The following RANBP3 variants were observed in gnomAD, a reference collection of about 807,000 sequenced individuals.
RANBP3 encodes the protein RAN binding protein 3, also known as ran-binding protein 3.
In RANBP3, 14 loss-of-function variants were observed where a neutral mutation model predicts 77.3. That is an observed-to-expected ratio of 0.18 (90% CI 0.12 to 0.28). RANBP3 has a LOEUF of 0.28. Among genes scored for constraint, RANBP3 ranks in the 10% least tolerant of loss-of-function variants. RANBP3 has a pLI of 1.00. For missense variants in RANBP3, 586 were observed against 752.3 expected, an observed-to-expected ratio of 0.78 and a Z score of 2.59; for synonymous variants, 315 against 312.4, an observed-to-expected ratio of 1.01 and a Z score of -0.09.
In RANBP3 at chr19:5,924,939, C is replaced by A; in HGVS notation, c.918-34G>T. ...AAGATGTGCAATGAGTGTGGGGCGT[C>A]ACGTGGGAACGTGGCCAGGCAAATG... On this transcript the variant is annotated intron_variant, in intron 10 of 16. Coordinates refer to ENST00000340578, the MANE Select transcript of RANBP3 (RefSeq NM_007322.3). This position sits in a 1 kb window ranked among gnomAD's most constrained non-coding sequence, Gnocchi z 4.7. 1.3e-6 allele frequency: 2 copies of A among 1,589,520 alleles called. No individual in the cohort carries two copies. The highest frequency in any genetic ancestry group is 2.2e-5 in the South Asian group (2 of 90,542).
At chr19:5,937,689 G>A (rs746426367) in intron 5 of RANBP3, among the ~76,000 whole-genome samples, 1 of 152,192 alleles carries the variant, frequency 6.6e-6, no homozygotes, top group Non-Finnish European at 1.5e-5. Flanking sequence ...CTGATGTGTG[G>A]CTGATATGAC....
chr19:5,976,060 T>C (rs534072141), intron 1 of RANBP3, among the ~76,000 whole-genome samples: 117 of 152,036 alleles, frequency 7.7e-4, no homozygotes, highest in African/African-American at 2.8e-3. Flanking sequence ...TGGTCCCCCT[T>C]TGGGAATAAT....
intron 1 of RANBP3, among the ~76,000 whole-genome samples, chr19:5,963,884 G>A (rs539702156): frequency 3.9e-5 from 6 of 152,204 alleles, no homozygotes; most frequent in African/African-American, 1.2e-4. Context: ...TCTACCCTGC[G>A]AACCTCCTCA....
At chr19:5,925,966 A>T (rs991407609) in intron 9 of RANBP3, among the ~76,000 whole-genome samples, 1 of 152,204 alleles carries the variant, frequency 6.6e-6, no homozygotes, top group Non-Finnish European at 1.5e-5. Context: ...TGAAGCTCCA[A>T]GGAGCCTTTT....
In RANBP3 at chr19:5,951,694, T is replaced by G. The variant is rs551518496; in HGVS notation, c.79-98A>C. On this transcript the variant is annotated intron_variant, in intron 2 of 16. Transcript: ENST00000340578. Reference sequence around the variant, plus strand: ...GGTCAGAGGCTGGAGCTGGCTCAGCTTGCAGCAGCTCCTGCGCCTGGGAGG... The same window carrying G: ...GGTCAGAGGCTGGAGCTGGCTCAGCGTGCAGCAGCTCCTGCGCCTGGGAGG... 14 of 1,099,568 alleles carry G rather than the reference T, an allele frequency of 1.3e-5. No homozygotes were observed. The African/African-American group carries it at 2.0e-4, about 16-fold the overall frequency. The allele number at this position is 1,099,568 out of a possible 1,614,324, so 68.1% of individuals were successfully genotyped here.
rs148017151 is a variant in RANBP3, at chr19:5,950,104, C to G, written c.282+1289G>C. On this transcript the variant is annotated intron_variant, in intron 3 of 16. Transcript: ENST00000340578. ...CAAAGACCAGAGGTGCAGTAACTCACCATACCTGACTCAGGAGAAGTTTCC... is the reference window on the plus strand; with the variant it reads ...CAAAGACCAGAGGTGCAGTAACTCAGCATACCTGACTCAGGAGAAGTTTCC... 4.4e-3 allele frequency among the ~76,000 whole-genome samples: 668 copies of G among 152,278 alleles called. 3 individuals are homozygous for G. Among genetic ancestry groups the G allele is most frequent in the African/African-American group, 0.015 (641 of 41,542 alleles).
At chr19:5,940,901 G>A (rs1029574246) in intron 5 of RANBP3, among the ~76,000 whole-genome samples, 6 of 152,234 alleles carry the variant, frequency 3.9e-5, no homozygotes, top group Admixed American at 2.0e-4. Context: ...CTTTCTGAGT[G>A]TTATATTAAG....
chr19:5,954,439 T>A lies in RANBP3; in HGVS notation c.79-2843A>T, dbSNP rs1345502509. ...ATGGTGGTAAGGCCATGCAGGAGAA[T>A]GGCCTCATCCCTATGAGACACCCGT... On this transcript the variant is annotated intron_variant, in intron 2 of 16. Coordinates refer to ENST00000340578, the MANE Select transcript of RANBP3 (RefSeq NM_007322.3). Among the ~76,000 whole-genome samples, 4 of 152,228 alleles carry A rather than the reference T, an allele frequency of 2.6e-5. No individual in the cohort carries two copies. In the East Asian group the frequency reaches 5.8e-4, roughly 22 times the overall value.
At chr19:5,942,626 G>C (rs903316674) in intron 3 of RANBP3, among the ~76,000 whole-genome samples, 1 of 149,918 alleles carries the variant, frequency 6.7e-6, no homozygotes, top group East Asian at 2.0e-4. Flanking sequence ...GCTTGAGCCC[G>C]GTAGGCGGAG....
intron 15 of RANBP3, 110 bp downstream of exon 15, chr19:5,918,386 A>AGGGGGGGGGG: frequency 3.2e-6 from 2 of 617,696 alleles, no homozygotes; most frequent in Admixed American, 3.4e-5. Context: ...GAAGCAACTG[A>AGGGGGGGGGG]AGCCCCTCCC....
chr19:5,969,735 T>A (rs2058509154), intron 1 of RANBP3, among the ~76,000 whole-genome samples: 1 of 152,210 alleles, frequency 6.6e-6, no homozygotes, highest in Non-Finnish European at 1.5e-5. Flanking sequence ...TCAGCCCCTG[T>A]GAAATGGTGC....
chr19:5,932,295 G>A (rs547200242), intron 7 of RANBP3, among the ~76,000 whole-genome samples, 157 bp downstream of exon 7: 2 of 152,328 alleles, frequency 1.3e-5, no homozygotes, highest in South Asian at 2.1e-4. Context: ...GGCTGGAGAC[G>A]GCTGGGGGGT....
Position 5,917,696 on chromosome 19 carries a change from T to G in RANBP3, c.1661-43A>C, listed in dbSNP as rs2057758857. The G allele has an allele frequency of 2.5e-6, 4 of 1,596,160 alleles. No individual in the cohort carries two copies. In the South Asian group the frequency reaches 3.4e-5, roughly 13 times the overall value. Reference sequence around the variant, plus strand: ...CCCCGCATCAGGATGGAGCCCGCACTTCCCAGGTCTGGCCACCCCCGCCAG... The same window carrying G: ...CCCCGCATCAGGATGGAGCCCGCACGTCCCAGGTCTGGCCACCCCCGCCAG... On this transcript the variant is annotated intron_variant, in intron 16 of 16. Transcript: ENST00000340578.
chr19:5,950,294 C>A (rs987633533), intron 3 of RANBP3, among the ~76,000 whole-genome samples: 3 of 152,210 alleles, frequency 2.0e-5, no homozygotes, highest in African/African-American at 7.2e-5. Context: ...ACCCCAAACC[C>A]ACTTTTGTGC....
intron 1 of RANBP3, among the ~76,000 whole-genome samples, chr19:5,970,845 G>GCTAA (rs2058521966): frequency 6.6e-6 from 1 of 152,184 alleles, no homozygotes. Context: ...AGATGCAAGA[G>GCTAA]CTAAGGTCAG....
chr19:5,929,061 C>T (rs975889125), intron 8 of RANBP3, among the ~76,000 whole-genome samples: 1 of 152,152 alleles, frequency 6.6e-6, no homozygotes, highest in Non-Finnish European at 1.5e-5. Flanking sequence ...ACTGGCTCAG[C>T]GTGTCCAGCG....
At chr19:5,933,536 G>A in intron 5 of RANBP3, 57 bp from the exon 6 acceptor site, 1 of 1,466,916 alleles carries the variant, frequency 6.8e-7, no homozygotes, top group Non-Finnish European at 9.5e-7. Flanking sequence ...GGCTGGGCCT[G>A]GGGGGCAAGG....
At chr19:5,950,085 C>A (rs888910156) in intron 3 of RANBP3, among the ~76,000 whole-genome samples, 2 of 152,146 alleles carry the variant, frequency 1.3e-5, no homozygotes, top group Admixed American at 1.3e-4. Context: ...CTCTCAAAGA[C>A]CAGAGGTGCA....
intron 1 of RANBP3, among the ~76,000 whole-genome samples, chr19:5,960,595 G>C (rs2058387789): frequency 6.6e-6 from 1 of 152,160 alleles, no homozygotes; most frequent in South Asian, 2.1e-4. Context: ...CTTCATGAAG[G>C]GGGAGGGAAG....
Sources: gnomAD v4.1 joint callset for allele counts (sites outside exome capture counted in the v4.1 genomes callset) on GRCh38, gnomAD v4.1.1 for gene constraint, Gnocchi (gnomAD v3.1) non-coding constraint, MANE v1.5 for transcripts, NCBI Gene and HGNC (gene_info 2026-07-23, HGNC 2026-07-21) for gene names.